The following SPSB4 variants were observed in gnomAD, a reference collection of about 807,000 sequenced individuals.
SPSB4 encodes splA/ryanodine receptor domain and SOCS box containing 4.
SPSB4 carries 21 observed loss-of-function variants against 20.9 expected under a neutral mutation model. The ratio of observed to expected loss-of-function variants is 1.01; its 90% CI spans 0.71 to 1.45. SPSB4 has a LOEUF of 1.45. Among genes scored for constraint, SPSB4 ranks in the 40% most tolerant of loss-of-function variants. SPSB4 has a pLI of 0.00. For synonymous variants in SPSB4, 207 were observed against 183.8 expected (o/e 1.13, Z -1.02); for missense variants, 399 against 399.2 (o/e 1.00, Z 0.00).
At chr3:141,057,609 G>A (rs1174070545) in intron 1 of SPSB4, among the ~76,000 whole-genome samples, 1 of 152,168 alleles carries the variant, frequency 6.6e-6, no homozygotes, top group Non-Finnish European at 1.5e-5. Context: ...CCAGTCCGAT[G>A]GGAGGGAGGC....
chr3:141,133,844 G>A lies in SPSB4; in HGVS notation c.695-13298G>A, dbSNP rs147483829. ...AAGAATGATAATGGTATTTTGATGG[G>A]AATTGCATTGAATTTGTAGATTGCT... On this transcript the variant is annotated intron_variant, in intron 2 of 2. Transcript: ENST00000310546. 2.8e-3 allele frequency among the ~76,000 whole-genome samples: 426 copies of A among 152,074 alleles called. 2 individuals are homozygous for A. Among genetic ancestry groups the A allele is most frequent in the African/African-American group, 9.8e-3 (405 of 41,492 alleles).
At chr3:141,062,090 T>A (rs925629762) in intron 1 of SPSB4, among the ~76,000 whole-genome samples, 11 of 152,244 alleles carry the variant, frequency 7.2e-5, no homozygotes, top group Non-Finnish European at 1.2e-4. Flanking sequence ...TATGTGGAAT[T>A]GTTAGGTCTC....
chr3:141,146,924 T>C (rs987241331), intron 2 of SPSB4, among the ~76,000 whole-genome samples: 2 of 152,186 alleles, frequency 1.3e-5, no homozygotes, highest in Non-Finnish European at 2.9e-5. Context: ...TGAATTGATT[T>C]TGTGACTCTT....
At position 141,066,041 on chromosome 3, in the gene SPSB4, A is replaced by C; in HGVS notation, c.-64A>C. The C allele has an allele frequency of 1.5e-6, 2 of 1,364,604 alleles. No homozygotes were observed. Among genetic ancestry groups the C allele is most frequent in the Non-Finnish European group, 9.6e-7 (1 of 1,044,694 alleles). The allele number at this position is 1,364,604 out of a possible 1,614,324, so 84.5% of individuals were successfully genotyped here. A position where few individuals can be genotyped will look rare whatever the true frequency, so the allele number is the denominator to read the frequency against. ...CCAGCCCCGTGGCCCATTCCTGGCT[A>C]CGGGGAGTGGAGGCTCCCACGAGGT... On this transcript the variant is annotated 5_prime_UTR_variant, in exon 2 of 3. Coordinates refer to ENST00000310546, the MANE Select transcript of SPSB4 (RefSeq NM_080862.3).
rs547577871 is a variant in SPSB4, at chr3:141,068,671, T to TAGC, written c.694+1875_694+1877dup. Among the ~76,000 whole-genome samples, 320 of 152,360 alleles carry TAGC rather than the reference T, an allele frequency of 2.1e-3. 2 individuals carry two copies. The highest frequency in any genetic ancestry group is 3.2e-3 in the Non-Finnish European group (215 of 68,032). ...TTTGCTGCTGTAAGCTCTTGTGTGG[T>TAGC]AGCACCAATAATATGGTAGCTGAGA... On this transcript the variant is annotated intron_variant, in intron 2 of 2. Coordinates refer to ENST00000310546, the MANE Select transcript of SPSB4 (RefSeq NM_080862.3).
chr3:141,104,263 C>T (rs922186040), intron 2 of SPSB4, among the ~76,000 whole-genome samples: 3 of 152,108 alleles, frequency 2.0e-5, no homozygotes, highest in Admixed American at 6.5e-5. Context: ...GGGAAAAGCA[C>T]TCCAGGCAGT....
chr3:141,145,132 T>C (rs569322514), intron 2 of SPSB4, among the ~76,000 whole-genome samples: 5 of 152,132 alleles, frequency 3.3e-5, no homozygotes, highest in African/African-American at 1.2e-4. Context: ...AGGATCGATA[T>C]ACTGTCTCCA....
chr3:141,136,209 G>GT (rs1939225006), intron 2 of SPSB4, among the ~76,000 whole-genome samples: 1 of 152,106 alleles, frequency 6.6e-6, no homozygotes, highest in African/African-American at 2.4e-5. Flanking sequence ...TTGAAAATTT[G>GT]TTTGAGTTCT....
At chr3:141,116,220 G>C (rs1459618526) in intron 2 of SPSB4, among the ~76,000 whole-genome samples, 1 of 152,180 alleles carries the variant, frequency 6.6e-6, no homozygotes, top group African/African-American at 2.4e-5. Flanking sequence ...TGGTCGTTCT[G>C]GTGGCTGGGT....
intron 2 of SPSB4, among the ~76,000 whole-genome samples, chr3:141,098,500 G>A (rs529755934): frequency 3.3e-5 from 5 of 151,870 alleles, no homozygotes; most frequent in African/African-American, 9.7e-5. Flanking sequence ...TTCTTGTCAC[G>A]TTTATCCCTA....
At chr3:141,095,630 T>A (rs1173304035) in intron 2 of SPSB4, among the ~76,000 whole-genome samples, 1 of 152,128 alleles carries the variant, frequency 6.6e-6, no homozygotes, top group East Asian at 1.9e-4. Flanking sequence ...CCAAACTTCC[T>A]GGGAAGCTGC....
At chr3:141,089,020 T>C (rs1001368768) in intron 2 of SPSB4, among the ~76,000 whole-genome samples, 2 of 152,188 alleles carry the variant, frequency 1.3e-5, no homozygotes, top group Non-Finnish European at 2.9e-5. Context: ...CACACTGAAC[T>C]TACCAGTGTG....
chr3:141,056,233 G>T (rs1253297257), intron 1 of SPSB4, among the ~76,000 whole-genome samples: 1 of 152,242 alleles, frequency 6.6e-6, no homozygotes, highest in Non-Finnish European at 1.5e-5. Context: ...GTGAACTGGA[G>T]CTCTGCTTTC....
At chr3:141,136,138 C>T (rs1435528474) in intron 2 of SPSB4, among the ~76,000 whole-genome samples, 1 of 152,104 alleles carries the variant, frequency 6.6e-6, no homozygotes, top group East Asian at 1.9e-4. Context: ...GCATGAATGT[C>T]TTCTTTTGAG....
intron 2 of SPSB4, among the ~76,000 whole-genome samples, chr3:141,105,496 CTG>C (rs2107796568): frequency 6.6e-6 from 1 of 152,342 alleles, no homozygotes; most frequent in South Asian, 2.1e-4. Context: ...ATTCATTTAA[CTG>C]AGATTTATCA....
chr3:141,121,994 G>T (rs189165950), intron 2 of SPSB4, among the ~76,000 whole-genome samples: 2 of 152,134 alleles, frequency 1.3e-5, no homozygotes, highest in African/African-American at 2.4e-5. Flanking sequence ...GAGAAGAGAC[G>T]CTCTGGTTTT....
chr3:141,147,245 C>T lies in SPSB4; in HGVS notation c.798C>T (p.Leu266=). The part of the protein sequence containing the change: ...DISSLPLPQS[L]KNYLQYQ The stretch of plus-strand genomic sequence containing the variant: ...GCTCCCTGCCCCTGCCTCAGTCTCT[C>T]AAAAACTATCTGCAGTACCAGTGAG... The change falls in exon 3 of 3, where the codon CTC becomes CTT. Residue 266 remains leucine, a synonymous_variant. Transcript: ENST00000310546. The T allele has an allele frequency of 6.2e-7, 1 of 1,614,218 alleles. No individual in the cohort carries two copies. Among genetic ancestry groups the T allele is most frequent in the Non-Finnish European group, 8.5e-7 (1 of 1,180,040 alleles).
intron 2 of SPSB4, among the ~76,000 whole-genome samples, chr3:141,070,200 G>T (rs1937970974): frequency 6.6e-6 from 1 of 152,010 alleles, no homozygotes. Flanking sequence ...GTTGTCCAGG[G>T]CACAAATAAT....
At chr3:141,116,609 C>T (rs1029966763) in intron 2 of SPSB4, among the ~76,000 whole-genome samples, 4 of 152,242 alleles carry the variant, frequency 2.6e-5, no homozygotes, top group African/African-American at 9.6e-5. Context: ...TGCCTATCCT[C>T]TCAACTGCCT....
Sources: gnomAD v4.1 joint callset for allele counts (sites outside exome capture counted in the v4.1 genomes callset) on GRCh38, gnomAD v4.1.1 for gene constraint, MANE v1.5 for transcripts, NCBI Gene and HGNC (gene_info 2026-07-23, HGNC 2026-07-21) for gene names.